ZNF730: variants seen among roughly 807,000 people sequenced by gnomAD.
ZNF730 encodes zinc finger protein 730, also known as putative zinc finger protein 730.
Under a neutral mutation model 12.6 loss-of-function variants are expected in ZNF730, and 12 were observed. The ratio of observed to expected loss-of-function variants is 0.95; its 90% CI spans 0.61 to 1.54. The LOEUF (loss-of-function observed/expected upper bound fraction) is 1.54, where lower values mean the gene tolerates loss of function less well. ZNF730 is among the 40% of genes most tolerant of loss of function. ZNF730 has a pLI of 0.00. For missense variants in ZNF730, 643 were observed against 583.5 expected, an observed-to-expected ratio of 1.10 and a Z score of -1.05; for synonymous variants, 194 against 195.8, an observed-to-expected ratio of 0.99 and a Z score of 0.08.
chr19:23,110,968 C>T lies in ZNF730; in HGVS notation c.-93-23112C>T, dbSNP rs533031436. 5.3e-5 allele frequency among the ~76,000 whole-genome samples: 8 copies of T among 152,244 alleles called. No homozygotes were observed. The South Asian group carries it at 1.7e-3, about 32-fold the overall frequency. ...ACCCCTCAGTTTTCAGTGCTGTGCA[C>T]CTAAATTGTAGAAACCTGGTATTTA... On this transcript the variant is annotated intron_variant, in intron 1 of 2. Coordinates refer to the ZNF730 transcript ENST00000593635.
intron 1 of ZNF730, among the ~76,000 whole-genome samples, chr19:23,079,940 C>CTATTTTATT (rs1969935294): frequency 6.6e-6 from 1 of 151,942 alleles, no homozygotes; most frequent in African/African-American, 2.4e-5. Context: ...CAAGATGTCC[C>CTATTTTATT]TATTTTATTT....
At chr19:23,115,431 C>T (rs1206099117), upstream of ZNF730, among the ~76,000 whole-genome samples, 2 of 152,164 alleles carry the variant, frequency 1.3e-5, no homozygotes, top group Non-Finnish European at 2.9e-5. Flanking sequence ...TTTTTACAGC[C>T]GTTCCCATTG....
rs1156914053 is a variant in ZNF730, at chr19:23,146,616, A to T, written c.*60A>T. ...CTTTATACCTTACTACACATAAGAT[A>T]ATTCATACTGAAGAGAAACCCTACA... On this transcript the variant is annotated 3_prime_UTR_variant, in exon 4 of 4. Transcript: ENST00000597761. 1 of 1,583,808 alleles carries T rather than the reference A, an allele frequency of 6.3e-7. No individual in the cohort carries two copies. The highest frequency in any genetic ancestry group is 8.7e-7 in the Non-Finnish European group (1 of 1,155,426).
rs140249764 is a variant in ZNF730 at position 23,094,089 on chromosome 19, G to A, written c.-94+18702G>A. The stretch of plus-strand genomic sequence containing the variant: ...TCCATCTTCCCAGGCTTACCGAGGC[G>A]ATCCTCCCATTTTGGTCTCCCAAGT... On this transcript the variant is annotated intron_variant, in intron 1 of 2. Transcript: ENST00000593635. 2.7e-3 allele frequency among the ~76,000 whole-genome samples: 414 copies of A among 152,216 alleles called. 1 individual carries two copies. The highest frequency in any genetic ancestry group is 9.0e-3 in the African/African-American group (375 of 41,546).
At chr19:23,135,221 TAAAAAAAAAAAAAAAAAAAAAAAAA>T (rs57748615) in intron 2 of ZNF730, among the ~76,000 whole-genome samples, 2 of 38,820 alleles carry the variant, frequency 5.2e-5, no homozygotes, top group African/African-American at 9.0e-5. Context: ...GAATGATCAA[TAAAAAAAAAAAAAAAAAAAAAAAAA>T]AAAAAAAAAA....
At chr19:23,114,168 T>G (rs1373350791), upstream of ZNF730, among the ~76,000 whole-genome samples, 1 of 152,194 alleles carries the variant, frequency 6.6e-6, no homozygotes, top group Non-Finnish European at 1.5e-5. Context: ...TCCATAAATC[T>G]TTCACCATCA....
At position 23,085,154 on chromosome 19, in the gene ZNF730, T is replaced by G. The variant is rs186861698; in HGVS notation, c.-94+9767T>G. On this transcript the variant is annotated intron_variant, in intron 1 of 2. Transcript: ENST00000593635. ...TATTTTGCTTTTTTAAAATAGCCAT[T>G]CTGACTAAGGTGAGATGGTATCTCA... Among the ~76,000 whole-genome samples, 560 of 152,296 alleles carry G rather than the reference T, an allele frequency of 3.7e-3. 7 individuals are homozygous for G. The highest frequency in any genetic ancestry group is 0.013 in the African/African-American group (530 of 41,560).
rs762803945 is a variant in ZNF730 at position 23,146,164 on chromosome 19, G to C, written c.1120G>C (p.Gly374Arg). ...GAAACCCTACAAATATAAAGAATGT[G>C]GTAAAGCTTTTAACCAATCCTCAAC... ...GGKPYKYKECGKAFNQSSTLT... is the reference protein window; with the variant it reads ...GGKPYKYKECRKAFNQSSTLT... Residue 374 changes from glycine to arginine, a missense_variant, in exon 4 of 4, where the codon GGT (glycine) becomes CGT (arginine). Physicochemically the swap from Gly to Arg is moderately radical, Grantham distance 125. Coordinates refer to ENST00000597761, the MANE Select transcript of ZNF730 (RefSeq NM_001277403.2). 1.2e-6 allele frequency: 2 copies of C among 1,607,896 alleles called. 1 individual carries two copies. The highest frequency in any genetic ancestry group is 2.2e-5 in the South Asian group (2 of 90,612).
chr19:23,102,230 C>G (rs939302990), intron 1 of ZNF730, among the ~76,000 whole-genome samples: 1 of 152,108 alleles, frequency 6.6e-6, no homozygotes, highest in African/African-American at 2.4e-5. Context: ...GGATTGTTAC[C>G]TATTGCTGGG....
intron 1 of ZNF730, among the ~76,000 whole-genome samples, chr19:23,085,936 C>T (rs943785430): frequency 6.7e-6 from 1 of 148,374 alleles, no homozygotes; most frequent in Non-Finnish European, 1.5e-5. Context: ...GCCTCCGCCT[C>T]CCAGGTTCAA....
chr19:23,098,158 A>G (rs1453644424), intron 1 of ZNF730, among the ~76,000 whole-genome samples: 1 of 151,888 alleles, frequency 6.6e-6, no homozygotes, highest in African/African-American at 2.4e-5. Flanking sequence ...AAAAAAAAAA[A>G]AGAAGGTATT....
upstream of ZNF730, among the ~76,000 whole-genome samples, chr19:23,113,626 T>G (rs182026682): frequency 8.1e-3 from 1,229 of 152,282 alleles, 13 homozygotes; most frequent in Non-Finnish European, 0.011. Context: ...AAACTGAAAA[T>G]TTAAGGAAAT....
chr19:23,145,193 G>A, intron 3 of ZNF730, 78 bp from the exon 4 acceptor site: 1 of 1,002,100 alleles, frequency 1.0e-6, no homozygotes, highest in East Asian at 2.8e-5. Flanking sequence ...TATGTAGTTT[G>A]TATAACTTTA....
chr19:23,146,470 G>T lies in ZNF730; in HGVS notation c.1426G>T (p.Gly476Trp), dbSNP rs776426262. Reference sequence around the variant, plus strand: ...CACTACACATAAGATAATTCATTCTGGGGAAAAAATCTACAAATGTAAAGA... The same window carrying T: ...CACTACACATAAGATAATTCATTCTTGGGAAAAAATCTACAAATGTAAAGA... ...TLTTHKIIHS[G>W]EKIYKCKECG... The change falls in exon 4 of 4, where the codon GGG (glycine) becomes TGG (tryptophan). Residue 476 changes from glycine to tryptophan, a missense_variant. Gly to Trp is a radical substitution (Grantham distance 184, BLOSUM62 -2). Transcript: ENST00000597761. 36 of 1,607,910 alleles carry T rather than the reference G, an allele frequency of 2.2e-5. No individual in the cohort carries two copies. The highest frequency in any genetic ancestry group is 3.1e-5 in the Non-Finnish European group (36 of 1,178,210).
At chr19:23,142,865 T>C (rs1970944618) in intron 3 of ZNF730, among the ~76,000 whole-genome samples, 1 of 151,792 alleles carries the variant, frequency 6.6e-6, no homozygotes, top group Non-Finnish European at 1.5e-5. Flanking sequence ...TGTATTGATA[T>C]GGTTTTACTA....
rs1970860185 is a variant in ZNF730 at position 23,138,231 on chromosome 19, C to T, written c.226+2188C>T. On this transcript the variant is annotated intron_variant, in intron 3 of 3. Coordinates refer to ENST00000597761, the MANE Select transcript of ZNF730 (RefSeq NM_001277403.2). ...CCGGGAGGCGGAGCTTGCAGTGAGC[C>T]GAGATCCCGCCACTGCACTCCAGCC... Among the ~76,000 whole-genome samples, 2 of 14,902 alleles carry T rather than the reference C, an allele frequency of 1.3e-4. 1 individual carries two copies. Among genetic ancestry groups the T allele is most frequent in the South Asian group, 9.2e-3 (2 of 218 alleles). The allele number at this position is 14,902 out of a possible 152,430, so 9.8% of individuals were successfully genotyped here.
In ZNF730 at chr19:23,127,855, C is replaced by T. The variant is rs114973374; in HGVS notation, c.4-6225C>T. 913 of 655,926 alleles carry T rather than the reference C, an allele frequency of 1.4e-3. 6 individuals are homozygous for T. In the African/African-American group the frequency reaches 0.014, roughly 10 times the overall value. The allele number at this position is 655,926 out of a possible 1,614,324, so 40.6% of individuals were successfully genotyped here. On this transcript the variant is annotated intron_variant, in intron 1 of 3. Coordinates refer to ENST00000597761, the MANE Select transcript of ZNF730 (RefSeq NM_001277403.2). ...CAAATATTGTCAGATTGCTTATACC[C>T]GTATAGAAGAGGATGTGATATTACA...
At chr19:23,116,760 T>C (rs1205883240), upstream of ZNF730, among the ~76,000 whole-genome samples, 1 of 152,128 alleles carries the variant, frequency 6.6e-6, no homozygotes, top group Non-Finnish European at 1.5e-5. Flanking sequence ...TAGCGTATTA[T>C]TTATAAATAC....
intron 1 of ZNF730, 104 bp downstream of exon 1, chr19:23,117,280 A>G (rs887877181): frequency 5.5e-5 from 87 of 1,590,940 alleles, no homozygotes; most frequent in Non-Finnish European, 6.8e-5. Flanking sequence ...CAGCTTCACA[A>G]TCTGCGCCCA....
Sources: allele counts gnomAD v4.1 joint callset (sites outside exome capture counted in the v4.1 genomes callset), GRCh38; gene constraint gnomAD v4.1.1; transcripts MANE v1.5; gene names NCBI Gene and HGNC (gene_info 2026-07-23, HGNC 2026-07-21).